The following GNA12 variants were observed in gnomAD, a reference collection of about 807,000 sequenced individuals.
The protein encoded by GNA12 is G protein subunit alpha 12, also known as guanine nucleotide-binding protein subunit alpha-12.
GNA12 carries 9 observed loss-of-function variants against 26.0 expected under a neutral mutation model. The observed-to-expected ratio is 0.35, with a 90% CI of 0.21 to 0.60. The LOEUF is 0.60. Ranked by LOEUF, GNA12 falls within the 20% of genes least tolerant of loss-of-function variation. GNA12 has a pLI of 0.78. For synonymous variants in GNA12, 264 were observed against 219.6 expected (o/e 1.20, Z -1.79); for missense variants, 405 against 525.8 (o/e 0.77, Z 2.25).
chr7:2,825,965 C>T (rs751679406), intron 1 of GNA12, among the ~76,000 whole-genome samples: 5 of 152,070 alleles, frequency 3.3e-5, no homozygotes, highest in East Asian at 3.9e-4. Context: ...CCTCTTAGGG[C>T]GGCTAAAATC....
At chr7:2,751,749 T>C (rs1444674461) in intron 2 of GNA12, among the ~76,000 whole-genome samples, 1 of 152,208 alleles carries the variant, frequency 6.6e-6, no homozygotes, top group East Asian at 1.9e-4. Context: ...TGCTAACAGA[T>C]TGGACATCTT....
chr7:2,790,337 G>A (rs773886586), intron 2 of GNA12, among the ~76,000 whole-genome samples: 1 of 152,262 alleles, frequency 6.6e-6, no homozygotes, highest in South Asian at 2.1e-4. Flanking sequence ...CTGTAGCCTG[G>A]AACTCCTGGG....
At chr7:2,835,431 G>T (rs1778809905) in intron 1 of GNA12, among the ~76,000 whole-genome samples, 1 of 152,164 alleles carries the variant, frequency 6.6e-6, no homozygotes. Context: ...CCCTTTAACT[G>T]GCATGTACCA....
chr7:2,785,931 G>A lies in GNA12; in HGVS notation c.525+8997C>T, dbSNP rs184255305. 4.2e-3 allele frequency among the ~76,000 whole-genome samples: 635 copies of A among 152,336 alleles called. 3 individuals are homozygous for A. The highest frequency in any genetic ancestry group is 6.8e-3 in the Non-Finnish European group (460 of 68,028). ...ATAAATAAAAAATTAGTCAGGTGTG[G>A]TGGCGGACGCCTGTAATCCCAGCTA... On this transcript the variant is annotated intron_variant, in intron 2 of 3. Transcript: ENST00000275364.
chr7:2,803,857 G>C (rs1381803951), intron 1 of GNA12, among the ~76,000 whole-genome samples: 1 of 151,254 alleles, frequency 6.6e-6, no homozygotes, highest in Admixed American at 6.6e-5. Context: ...GATTTCCCCA[G>C]ATCTCCTGAA....
At chr7:2,764,009 C>G (rs1791696843) in intron 2 of GNA12, among the ~76,000 whole-genome samples, 1 of 152,182 alleles carries the variant, frequency 6.6e-6, no homozygotes, top group African/African-American at 2.4e-5. Flanking sequence ...TGAGGCTTGC[C>G]TATACTTTCT....
At chr7:2,828,735 C>G (rs1207822765) in intron 1 of GNA12, among the ~76,000 whole-genome samples, 1 of 152,184 alleles carries the variant, frequency 6.6e-6, no homozygotes, top group Non-Finnish European at 1.5e-5. Context: ...CCAATGGAGT[C>G]TTCTTTAGTG....
Position 2,775,938 on chromosome 7 carries a change from C to A in GNA12, c.525+18990G>T, listed in dbSNP as rs1022596190. Among the ~76,000 whole-genome samples, 3 of 152,362 alleles carry A rather than the reference C, an allele frequency of 2.0e-5. No homozygotes were observed. The East Asian group carries it at 5.8e-4, about 29-fold the overall frequency. On this transcript the variant is annotated intron_variant, in intron 2 of 3. Transcript: ENST00000275364. ...TACAGCTAGGCTTAATGCAGCCATT[C>A]TGCCTGCCAGCTGGAGAGACAGAAA...
At chr7:2,818,970 T>C (rs113962795) in intron 1 of GNA12, among the ~76,000 whole-genome samples, 150 of 152,284 alleles carry the variant, frequency 9.9e-4, no homozygotes, top group African/African-American at 3.3e-3. Flanking sequence ...TATTCATCAA[T>C]TGGGAACCTA....
chr7:2,731,885 A>G lies in GNA12; in HGVS notation c.577-135T>C. 3.8e-6 allele frequency: 2 copies of G among 525,648 alleles called. No homozygotes were observed. Among genetic ancestry groups the G allele is most frequent in the Middle Eastern group, 4.1e-4 (1 of 2,442 alleles). The allele number at this position is 525,648 out of a possible 1,614,324, so 32.6% of individuals were successfully genotyped here. ...CAGGTTGAACCAGAAACCAAAAGCA[A>G]ATTTCATTTATAACATTATCAACTG... On this transcript the variant is annotated intron_variant, in intron 3 of 3. Coordinates refer to ENST00000275364, the MANE Select transcript of GNA12 (RefSeq NM_007353.3). This position sits in a 1 kb window ranked among gnomAD's most constrained non-coding sequence, Gnocchi z 6.0.
chr7:2,758,878 C>T (rs1791424252), intron 2 of GNA12, among the ~76,000 whole-genome samples: 1 of 152,182 alleles, frequency 6.6e-6, no homozygotes, highest in Admixed American at 6.5e-5. Flanking sequence ...GGCGCGGTGG[C>T]TCATGCCTAT....
At chr7:2,774,670 G>T (rs1194229727) in intron 2 of GNA12, among the ~76,000 whole-genome samples, 1 of 152,210 alleles carries the variant, frequency 6.6e-6, no homozygotes, top group Non-Finnish European at 1.5e-5. Context: ...CAGTCAACAC[G>T]TGTCACTGAA....
chr7:2,774,340 G>C (rs1037123893), intron 2 of GNA12, among the ~76,000 whole-genome samples: 8 of 152,202 alleles, frequency 5.3e-5, no homozygotes, highest in African/African-American at 1.4e-4. Context: ...AAAGGTAATA[G>C]GTAGTGGTGG....
chr7:2,736,602 G>A (rs1165738893), intron 2 of GNA12, among the ~76,000 whole-genome samples: 1 of 152,212 alleles, frequency 6.6e-6, no homozygotes, highest in Non-Finnish European at 1.5e-5. Context: ...GCACAGCCGG[G>A]CAGATGTGAT....
intron 2 of GNA12, among the ~76,000 whole-genome samples, chr7:2,760,909 T>TG (rs148917147): frequency 6.6e-6 from 1 of 151,836 alleles, no homozygotes; most frequent in Non-Finnish European, 1.5e-5. Flanking sequence ...TGGTGGGGAG[T>TG]GGGGGGTTCT....
In GNA12 at chr7:2,730,927, C is replaced by G; in HGVS notation, c.*254G>C. On this transcript the variant is annotated 3_prime_UTR_variant, in exon 4 of 4. Transcript: ENST00000275364. Reference sequence around the variant, plus strand: ...AAGCAAGCTGTGTGATTAGGTGTTCCGTATTCACAACATCATCACTCGGAT... The same window carrying G: ...AAGCAAGCTGTGTGATTAGGTGTTCGGTATTCACAACATCATCACTCGGAT... 2 of 475,268 alleles carry G rather than the reference C, an allele frequency of 4.2e-6. No homozygotes were observed. The highest frequency in any genetic ancestry group is 3.4e-5 in the Admixed American group (1 of 29,752). 29.4% of individuals were successfully genotyped at this position (475,268 alleles called of 1,614,324 possible). A position where few individuals can be genotyped will look rare whatever the true frequency, so the allele number is the denominator to read the frequency against.
Position 2,800,311 on chromosome 7 carries a change from G to A in GNA12, c.310-5168C>T, listed in dbSNP as rs149658171. Among the ~76,000 whole-genome samples the A allele has an allele frequency of 5.6e-4, 86 of 152,366 alleles. No homozygotes were observed. In the East Asian group the frequency reaches 0.015, roughly 26 times the overall value. On this transcript the variant is annotated intron_variant, in intron 1 of 3. Coordinates refer to ENST00000275364, the MANE Select transcript of GNA12 (RefSeq NM_007353.3). ...AGAGATGGACAAGAGATTCATGGTT[G>A]CCAGGGGTTAGTAATGGGAAAGACA...
chr7:2,822,840 G>T (rs1396585122), intron 1 of GNA12, among the ~76,000 whole-genome samples: 2 of 152,110 alleles, frequency 1.3e-5, no homozygotes, highest in South Asian at 4.1e-4. Flanking sequence ...TAAAGACAAT[G>T]ACTTGGAAAG....
rs1349845639 is a variant in GNA12 at position 2,781,405 on chromosome 7, TAA to T, written c.525+13521_525+13522del. ...ATTTGGTCTCTAATCCATTTCAAAGTAAGTGTCTGTGTGTGTGTGTGTGTGTG... is the reference window on the plus strand; with the variant it reads ...ATTTGGTCTCTAATCCATTTCAAAGTGTGTCTGTGTGTGTGTGTGTGTGTG... On this transcript the variant is annotated intron_variant, in intron 2 of 3. Transcript: ENST00000275364. 1.5e-4 allele frequency among the ~76,000 whole-genome samples: 20 copies of T among 129,086 alleles called. No homozygotes were observed. In the East Asian group the frequency reaches 4.4e-3, roughly 28 times the overall value. The allele number at this position is 129,086 out of a possible 152,430, so 84.7% of individuals were successfully genotyped here.
Sources: allele counts gnomAD v4.1 joint callset (sites outside exome capture counted in the v4.1 genomes callset), GRCh38; gene constraint gnomAD v4.1.1; non-coding constraint Gnocchi (gnomAD v3.1); transcripts MANE v1.5; gene names NCBI Gene and HGNC (gene_info 2026-07-23, HGNC 2026-07-21).